The following MACROD2 variants were observed in gnomAD, a reference collection of about 807,000 sequenced individuals.
MACROD2 encodes ADP-ribose glycohydrolase MACROD2.
In MACROD2, 36 loss-of-function variants were observed where a neutral mutation model predicts 70.4. That is an observed-to-expected ratio of 0.51 (90% CI 0.39 to 0.68). MACROD2 has a LOEUF of 0.68. Ranked by LOEUF, MACROD2 falls within the 30% of genes least tolerant of loss-of-function variation. MACROD2 has a pLI of 0.00. For synonymous variants in MACROD2, 172 were observed against 178.8 expected, an observed-to-expected ratio of 0.96 and a Z score of 0.30; for missense variants, 496 against 538.4, an observed-to-expected ratio of 0.92 and a Z score of 0.78.
chr20:14,232,080 A>G (rs1368365600), intron 3 of MACROD2, among the ~76,000 whole-genome samples: 2 of 152,058 alleles, frequency 1.3e-5, no homozygotes, highest in Non-Finnish European at 2.9e-5. Context: ...ATTTTCTCCC[A>G]TTCTATAGGT....
At chr20:15,990,021 A>G (rs1434044426) in intron 15 of MACROD2, among the ~76,000 whole-genome samples, 1 of 152,178 alleles carries the variant, frequency 6.6e-6, no homozygotes, top group East Asian at 1.9e-4. Context: ...GAAAAGAAGG[A>G]AAAATATTCA....
At chr20:15,244,971 C>T (rs2077093019) in intron 6 of MACROD2, among the ~76,000 whole-genome samples, 1 of 152,154 alleles carries the variant, frequency 6.6e-6, no homozygotes, top group South Asian at 2.1e-4. Context: ...TCAAGATCAG[C>T]AGAACTCTCC....
chr20:14,200,070 G>A (rs2081466577), intron 3 of MACROD2, among the ~76,000 whole-genome samples: 3 of 152,096 alleles, frequency 2.0e-5, no homozygotes, highest in African/African-American at 7.2e-5. Flanking sequence ...GAATTATTGT[G>A]TTTTTATCAA....
intron 5 of MACROD2, among the ~76,000 whole-genome samples, chr20:15,036,244 C>T (rs914818400): frequency 6.6e-6 from 1 of 152,140 alleles, no homozygotes; most frequent in Non-Finnish European, 1.5e-5. Flanking sequence ...GGTGCTATCT[C>T]TGGAAAGAAC....
At chr20:14,604,441 C>T (rs561843955) in intron 4 of MACROD2, among the ~76,000 whole-genome samples, 23 of 152,300 alleles carry the variant, frequency 1.5e-4, no homozygotes, top group Non-Finnish European at 2.2e-4. Flanking sequence ...CATTGAGTGC[C>T]ATGATTACAA....
intron 3 of MACROD2, among the ~76,000 whole-genome samples, chr20:14,427,445 C>T (rs2122916888): frequency 6.6e-6 from 1 of 150,912 alleles, no homozygotes; most frequent in South Asian, 2.1e-4. Context: ...TCACTCAAGA[C>T]CAGTAATATC....
intron 3 of MACROD2, among the ~76,000 whole-genome samples, chr20:14,242,791 C>G (rs1295442663): frequency 2.0e-5 from 3 of 152,076 alleles, no homozygotes; most frequent in Non-Finnish European, 4.4e-5. Context: ...GTAAAAATTA[C>G]TTTAAATTCA....
intron 5 of MACROD2, among the ~76,000 whole-genome samples, chr20:14,831,694 C>A (rs1230355086): frequency 7.2e-6 from 1 of 139,814 alleles, no homozygotes; most frequent in Admixed American, 7.8e-5. Flanking sequence ...GCAGGAGAAT[C>A]GCTTGAACCG....
At chr20:15,490,288 TCTTTCTTTCTC>T (rs2047216234) in intron 7 of MACROD2, among the ~76,000 whole-genome samples, 2 of 149,788 alleles carry the variant, frequency 1.3e-5, no homozygotes, top group African/African-American at 5.0e-5. Flanking sequence ...TTTCTTTCCT[TCTTTCTTTCTC>T]CTTTCTTTCA....
intron 3 of MACROD2, among the ~76,000 whole-genome samples, chr20:14,141,017 T>A (rs1174361156): frequency 1.3e-5 from 2 of 152,124 alleles, no homozygotes; most frequent in Non-Finnish European, 2.9e-5. Context: ...AAGTGAAAAA[T>A]CTCTTCTGTT....
intron 3 of MACROD2, among the ~76,000 whole-genome samples, chr20:14,476,931 A>G (rs1260030327): frequency 6.6e-6 from 1 of 152,190 alleles, no homozygotes; most frequent in Non-Finnish European, 1.5e-5. Context: ...AAAGGCCAAG[A>G]TGTGGCAGAA....
chr20:15,286,479 C>T (rs768770497), intron 6 of MACROD2, among the ~76,000 whole-genome samples: 3 of 146,980 alleles, frequency 2.0e-5, no homozygotes, highest in Non-Finnish European at 4.5e-5. Context: ...TACACAAAGA[C>T]AGAGAGCCTG....
intron 10 of MACROD2, among the ~76,000 whole-genome samples, chr20:15,931,797 A>T (rs1003668230): frequency 6.6e-6 from 1 of 151,978 alleles, no homozygotes; most frequent in East Asian, 1.9e-4. Flanking sequence ...TTCTATTATA[A>T]ACTTTTTTTC....
intron 5 of MACROD2, among the ~76,000 whole-genome samples, chr20:14,903,904 G>T (rs1192272235): frequency 1.3e-5 from 2 of 152,096 alleles, no homozygotes; most frequent in East Asian, 3.9e-4. Flanking sequence ...TGCATGAAAG[G>T]TTTTTTTATT....
rs1240019921 is a variant in MACROD2, at chr20:14,338,646, C to A, written c.272-154833C>A. Among the ~76,000 whole-genome samples the A allele has an allele frequency of 2.0e-5, 3 of 151,994 alleles. No individual in the cohort carries two copies. The East Asian group carries it at 5.8e-4, about 29-fold the overall frequency. On this transcript the variant is annotated intron_variant, in intron 3 of 17. Transcript: ENST00000684519. ...TTCCTTTCTAAATGTTTTTGCTGAT[C>A]TGAGCATGGGTTTAGATATAAACAT...
chr20:14,854,246 G>A (rs923795886), intron 5 of MACROD2, among the ~76,000 whole-genome samples: 1 of 152,160 alleles, frequency 6.6e-6, no homozygotes, highest in South Asian at 2.1e-4. Context: ...AGAACAGCCT[G>A]TTCCATCGTT....
At chr20:15,825,291 T>C (rs1275071795) in intron 8 of MACROD2, among the ~76,000 whole-genome samples, 1 of 152,164 alleles carries the variant, frequency 6.6e-6, no homozygotes, top group East Asian at 1.9e-4. Context: ...GTTGAATGCT[T>C]GCTCTTGAGA....
At chr20:14,670,254 TA>T (rs1351942948) in intron 4 of MACROD2, among the ~76,000 whole-genome samples, 1 of 152,076 alleles carries the variant, frequency 6.6e-6, no homozygotes, top group Admixed American at 6.6e-5. Flanking sequence ...ACCAGAAAAA[TA>T]TGATCTTCAT....
At chr20:15,162,761 C>T (rs1235444426) in intron 5 of MACROD2, among the ~76,000 whole-genome samples, 1 of 152,010 alleles carries the variant, frequency 6.6e-6, no homozygotes, top group East Asian at 1.9e-4. Context: ...AGCATGATTT[C>T]AGATTAACAA....
Sources: gnomAD v4.1 joint callset for allele counts (sites outside exome capture counted in the v4.1 genomes callset) on GRCh38, gnomAD v4.1.1 for gene constraint, MANE v1.5 for transcripts, NCBI Gene and HGNC (gene_info 2026-07-23, HGNC 2026-07-21) for gene names.